The following CHN2 variants were observed in gnomAD, a reference collection of about 807,000 sequenced individuals.
CHN2 encodes the protein chimerin 2, also known as beta-chimaerin.
Under a neutral mutation model 56.3 loss-of-function variants are expected in CHN2, and 35 were observed. That is an observed-to-expected ratio of 0.62 (90% CI 0.47 to 0.82). The LOEUF is 0.82. Among genes scored for constraint, CHN2 ranks in the 40% least tolerant of loss-of-function variants. The pLI, the probability that CHN2 is intolerant of heterozygous loss-of-function variation, is 0.00. For missense variants in CHN2, 491 were observed against 580.5 expected (o/e 0.85, Z 1.58); for synonymous variants, 210 against 212.8 (o/e 0.99, Z 0.12).
At chr7:29,302,283 TCTTCTTCCTCCTCTTCTTCCTTCTTCTC>T (rs1342022443) in intron 1 of CHN2, among the ~76,000 whole-genome samples, 1 of 151,912 alleles carries the variant, frequency 6.6e-6, no homozygotes, top group African/African-American at 2.4e-5. Context: ...TTCCTCCTCT[TCTTCTTCCTCCTCTTCTTCCTTCTTCTC>T]CTTCCTTCCT....
intron 6 of CHN2, among the ~76,000 whole-genome samples, chr7:29,439,571 C>T (rs1213007013): frequency 1.3e-5 from 2 of 152,174 alleles, no homozygotes; most frequent in African/African-American, 2.4e-5. Context: ...AGGCCCTCTT[C>T]ATCCACATCC....
At chr7:29,189,266 C>G (rs1799107191) in intron 2 of CHN2, among the ~76,000 whole-genome samples, 1 of 152,026 alleles carries the variant, frequency 6.6e-6, no homozygotes, top group African/African-American at 2.4e-5. Context: ...TCCCTCATAT[C>G]TTTATTCCCC....
intron 1 of CHN2, among the ~76,000 whole-genome samples, chr7:29,254,985 C>T (rs148364400): frequency 1.1e-3 from 167 of 152,234 alleles, no homozygotes; most frequent in African/African-American, 3.5e-3. Context: ...ACCAAGAGAG[C>T]GTGCAGGTCA....
intron 1 of CHN2, among the ~76,000 whole-genome samples, chr7:29,302,311 C>G (rs1036440779): frequency 4.1e-5 from 6 of 147,244 alleles, no homozygotes; most frequent in Non-Finnish European, 8.9e-5. Context: ...TCCTTCTTCT[C>G]CTTCCTTCCT....
chr7:29,310,127 G>T (rs1190870736), intron 1 of CHN2, among the ~76,000 whole-genome samples: 2 of 151,938 alleles, frequency 1.3e-5, no homozygotes, highest in Admixed American at 6.6e-5. Flanking sequence ...ATGGTTACAC[G>T]GATAAAATAC....
At chr7:29,293,568 A>G (rs925447121) in intron 1 of CHN2, among the ~76,000 whole-genome samples, 1 of 151,984 alleles carries the variant, frequency 6.6e-6, no homozygotes, top group African/African-American at 2.4e-5. Flanking sequence ...TCCCTCACTC[A>G]GCTCCAGACA....
chr7:29,277,665 C>T (rs1303475909), intron 1 of CHN2, among the ~76,000 whole-genome samples: 1 of 152,196 alleles, frequency 6.6e-6, no homozygotes, highest in African/African-American at 2.4e-5. Flanking sequence ...CCTGCCCACA[C>T]CTGTTGGCTG....
chr7:29,465,925 C>T (rs555755162), intron 6 of CHN2, among the ~76,000 whole-genome samples: 89 of 152,276 alleles, frequency 5.8e-4, no homozygotes, highest in African/African-American at 2.1e-3. Context: ...TATTACAGGC[C>T]GAGCGCAGTG....
intron 1 of CHN2, among the ~76,000 whole-genome samples, chr7:29,284,150 C>T (rs893142239): frequency 1.3e-5 from 2 of 151,892 alleles, no homozygotes; most frequent in Middle Eastern, 3.4e-3. Flanking sequence ...GGCTGAAGTG[C>T]AGTGGTGCGA....
chr7:29,280,391 A>C (rs1791603437), intron 1 of CHN2, among the ~76,000 whole-genome samples: 1 of 151,686 alleles, frequency 6.6e-6, no homozygotes, highest in Non-Finnish European at 1.5e-5. Flanking sequence ...CTCATAAATA[A>C]ATAAATAAAT....
chr7:29,275,365 A>G (rs1791103877), intron 1 of CHN2, among the ~76,000 whole-genome samples: 1 of 152,186 alleles, frequency 6.6e-6, no homozygotes, highest in South Asian at 2.1e-4. Flanking sequence ...TCTTGGAGAA[A>G]ATGTCAAGTA....
intron 2 of CHN2, among the ~76,000 whole-genome samples, chr7:29,169,243 T>C (rs996796352): frequency 2.6e-5 from 4 of 152,238 alleles, no homozygotes; most frequent in Non-Finnish European, 5.9e-5. Flanking sequence ...AAATGCACTA[T>C]GCTGATATTA....
In CHN2 at chr7:29,319,876, TGTC is replaced by T. The variant is rs761578455; in HGVS notation, c.50-34746_50-34744del. On this transcript the variant is annotated intron_variant, in intron 1 of 12. Transcript: ENST00000222792. ...TTTTTCACAGTGAACGAGCCAGTGT[TGTC>T]GTGACCAGTGCCTTTGTGCCCCTTC... Among the ~76,000 whole-genome samples the T allele has an allele frequency of 2.0e-5, 3 of 152,278 alleles. No homozygotes were observed. In the South Asian group the frequency reaches 6.2e-4, roughly 32 times the overall value.
intron 6 of CHN2, among the ~76,000 whole-genome samples, chr7:29,459,082 A>T (rs1017651471): frequency 5.3e-5 from 8 of 152,216 alleles, no homozygotes; most frequent in African/African-American, 1.9e-4. Flanking sequence ...ATGTAGTTTC[A>T]GATTTTCTCG....
chr7:29,213,489 T>C (rs971338519), intron 1 of CHN2, among the ~76,000 whole-genome samples: 16 of 152,234 alleles, frequency 1.1e-4, no homozygotes, highest in African/African-American at 3.6e-4. Context: ...TCTCTGGCTA[T>C]AGATAAGTAG....
At chr7:29,200,539 G>T (rs1172482524) in intron 1 of CHN2, among the ~76,000 whole-genome samples, 8 of 135,020 alleles carry the variant, frequency 5.9e-5, no homozygotes, top group African/African-American at 1.9e-4. Context: ...ATTTAGAGAT[G>T]TTTTCATCAA....
chr7:29,449,572 G>C (rs928837922), intron 6 of CHN2, among the ~76,000 whole-genome samples: 1 of 152,234 alleles, frequency 6.6e-6, no homozygotes, highest in African/African-American at 2.4e-5. Context: ...AGTATTTACT[G>C]TTGGTACTTT....
chr7:29,184,047 AAG>A (rs1193727385), intron 2 of CHN2, among the ~76,000 whole-genome samples: 1 of 151,996 alleles, frequency 6.6e-6, no homozygotes, highest in Non-Finnish European at 1.5e-5. Context: ...TATTTTATAT[AAG>A]ACACTTGGGC....
chr7:29,240,222 G>GC (rs962075818), intron 1 of CHN2, among the ~76,000 whole-genome samples: 3 of 152,160 alleles, frequency 2.0e-5, no homozygotes, highest in Non-Finnish European at 4.4e-5. Flanking sequence ...CCTGAGCCTG[G>GC]CCCCCAAGGA....
Sources: gnomAD v4.1 joint callset for allele counts (sites outside exome capture counted in the v4.1 genomes callset) on GRCh38, gnomAD v4.1.1 for gene constraint, MANE v1.5 for transcripts, NCBI Gene and HGNC (gene_info 2026-07-23, HGNC 2026-07-21) for gene names.